The following OSBPL2 variants were observed in gnomAD, a reference collection of about 807,000 sequenced individuals.
OSBPL2 encodes the protein oxysterol-binding protein-related protein 2.
In OSBPL2, 18 loss-of-function variants were observed where a neutral mutation model predicts 58.4. The observed-to-expected ratio is 0.31, with a 90% confidence interval of 0.21 to 0.46. The LOEUF is 0.46. Ranked by LOEUF, OSBPL2 falls within the 20% of genes least tolerant of loss-of-function variation. The pLI is 1.00. For synonymous variants in OSBPL2, 221 were observed against 234.1 expected, an observed-to-expected ratio of 0.94 and a Z score of 0.51; for missense variants, 461 against 616.5, an observed-to-expected ratio of 0.75 and a Z score of 2.67.
intron 1 of OSBPL2, among the ~76,000 whole-genome samples, chr20:62,253,129 G>T (rs1057162620): frequency 6.6e-6 from 1 of 152,264 alleles, no homozygotes; most frequent in Non-Finnish European, 1.5e-5. Flanking sequence ...CGTCTCTCGG[G>T]GTTCAGTGCC....
In OSBPL2 at chr20:62,289,231, G is replaced by A. The variant is rs186761985; in HGVS notation, c.1150G>A (p.Val384Met). 1.1e-5 allele frequency: 17 copies of A among 1,613,826 alleles called. No individual in the cohort carries two copies. The highest frequency in any genetic ancestry group is 1.7e-4 in the Middle Eastern group (1 of 6,058). The change falls in exon 12 of 14, where the codon GTG becomes ATG. Residue 384 changes from valine (V) to methionine (M), a missense_variant. Coordinates refer to ENST00000313733, the MANE Select transcript of OSBPL2 (RefSeq NM_144498.4). Reference sequence around the variant, plus strand: ...GATGTATAATTTCACCAGTTTCACTGTGAGCCTCAACGAGCTGGAGACAGG... The same window carrying A: ...GATGTATAATTTCACCAGTTTCACTATGAGCCTCAACGAGCTGGAGACAGG... ...AQMYNFTSFTVSLNELETGME... is the reference protein window; with the variant it reads ...AQMYNFTSFTMSLNELETGME...
At position 62,293,898 on chromosome 20, in the gene OSBPL2, G is replaced by A. The variant is rs751949458; in HGVS notation, c.*11G>A. 2.2e-5 allele frequency: 36 copies of A among 1,611,926 alleles called. No homozygotes were observed. The highest frequency in any genetic ancestry group is 2.5e-5 in the Non-Finnish European group (29 of 1,179,364). On this transcript the variant is annotated 3_prime_UTR_variant, in exon 14 of 14. Transcript: ENST00000313733. The stretch of plus-strand genomic sequence containing the variant: ...CCAGATATCTACTGAGGGCCTGGAG[G>A]GGCCTGGGGCCCGGGACCGGAGGCT...
Position 62,289,227 on chromosome 20 carries a change from C to G in OSBPL2, c.1146C>G (p.Phe382Leu). The G allele has an allele frequency of 6.2e-7, 1 of 1,613,804 alleles. No individual in the cohort carries two copies. Among genetic ancestry groups the G allele is most frequent in the Non-Finnish European group, 8.5e-7 (1 of 1,179,844 alleles). ...CACAGATGTATAATTTCACCAGTTT[C>G]ACTGTGAGCCTCAACGAGCTGGAGA... ...NSAQMYNFTS[F>L]TVSLNELETG... Residue 382 changes from phenylalanine to leucine, a missense_variant, in exon 12 of 14, where the codon TTC (phenylalanine) becomes TTG (leucine). Phe to Leu is a conservative substitution (Grantham distance 22). Transcript: ENST00000313733.
At position 62,281,131 on chromosome 20, in the gene OSBPL2, G is replaced by C; in HGVS notation, c.748G>C (p.Glu250Gln). The change falls in exon 8 of 14, where the codon GAG (glutamate) becomes CAG (glutamine). Residue 250 changes from glutamate to glutamine, a missense_variant. Physicochemically the swap from Glu to Gln is conservative, Grantham distance 29. Around this residue, in one of 5 missense-constraint regions of OSBPL2, gnomAD observed 319 missense variants for 419.2 expected, o/e 0.76. Coordinates refer to ENST00000313733, the MANE Select transcript of OSBPL2 (RefSeq NM_144498.4). ...CGTCATCATCGGGAAGCTGTGGATA[G>C]AGCAGTATGGGACAGTGGAGATTTT... Reference protein sequence around the residue: ...HNVIIGKLWIEQYGTVEILNH... With the variant: ...HNVIIGKLWIQQYGTVEILNH... 1 of 1,614,200 alleles carries C rather than the reference G, an allele frequency of 6.2e-7. No individual in the cohort carries two copies. The highest frequency in any genetic ancestry group is 8.5e-7 in the Non-Finnish European group (1 of 1,179,994).
chr20:62,248,155 C>CTTTT (rs11470491), intron 1 of OSBPL2, among the ~76,000 whole-genome samples: 104 of 118,820 alleles, frequency 8.8e-4, no homozygotes, highest in Middle Eastern at 4.5e-3. Flanking sequence ...CTTTTCTTTT[C>CTTTT]TTTTTTTTTT....
At chr20:62,281,524 C>T (rs948135324) in intron 8 of OSBPL2, 1 of 504,042 alleles carries the variant, frequency 2.0e-6, no homozygotes, top group African/African-American at 1.9e-5. Flanking sequence ...TGCCTTTTCA[C>T]CACTTTAGTG....
intron 2 of OSBPL2, among the ~76,000 whole-genome samples, chr20:62,256,783 C>A (rs942452728): frequency 6.6e-6 from 1 of 152,204 alleles, no homozygotes; most frequent in Non-Finnish European, 1.5e-5. Flanking sequence ...TGTGACGGGG[C>A]GGCTAGAGGA....
At position 62,269,556 on chromosome 20, in the gene OSBPL2, A is replaced by G. The variant is rs1445409540; in HGVS notation, c.259-2569A>G. On this transcript the variant is annotated intron_variant, in intron 4 of 13. Transcript: ENST00000313733. This position sits in a 1 kb window ranked among gnomAD's most constrained non-coding sequence, Gnocchi z 4.2. ...TCCTGAGCAAGGCAGCGTCTCCCCC[A>G]TGCTCAGGGCTGCCACCGGCCGCAC... Among the ~76,000 whole-genome samples, 1 of 152,070 alleles carries G rather than the reference A, an allele frequency of 6.6e-6. No individual in the cohort carries two copies. Among genetic ancestry groups the G allele is most frequent in the African/African-American group, 2.4e-5 (1 of 41,394 alleles).
In OSBPL2 at chr20:62,256,145, AGAGCACATGTCAGGGGCAGTG is replaced by A; in HGVS notation, c.-36_-16del. 1.2e-6 allele frequency: 2 copies of A among 1,609,476 alleles called. No homozygotes were observed. Among genetic ancestry groups the A allele is most frequent in the Non-Finnish European group, 1.7e-6 (2 of 1,176,294 alleles). On this transcript the variant is annotated 5_prime_UTR_variant, in exon 2 of 14. The change abolishes an upstream ATG in the 5' untranslated region. Transcript: ENST00000313733. ...GGATCAGATACGATGATTCAGTAGA[AGAGCACATGTCAGGGGCAGTG>A]GAGGCTGGCTGCTGAAGGATGAACG...
intron 13 of OSBPL2, among the ~76,000 whole-genome samples, chr20:62,293,309 C>G (rs1009468987): frequency 2.0e-5 from 3 of 152,196 alleles, no homozygotes; most frequent in African/African-American, 7.2e-5. Context: ...TGAGTGCCAG[C>G]CGGGGGCTGT....
rs1281220138 is a variant in OSBPL2 at position 62,284,091 on chromosome 20, G to A, written c.918G>A (p.Leu306=). 1 of 1,614,082 alleles carries A rather than the reference G, an allele frequency of 6.2e-7. No individual in the cohort carries two copies. The highest frequency in any genetic ancestry group is 1.3e-5 in the African/African-American group (1 of 75,064). Residue 306 remains leucine (L), a synonymous_variant, in exon 10 of 14, where the codon TTG becomes TTA. Transcript: ENST00000313733. The part of the protein sequence containing the change: ...FMIYGKWTEC[L]WGIDPVSYES... ...TCTATGGCAAATGGACGGAATGTTT[G>A]TGGGGCATAGATCCTGTTTCGTATG... is the stretch of plus-strand genomic sequence containing the variant.
At chr20:62,261,609 C>T (rs1470799930) in intron 3 of OSBPL2, among the ~76,000 whole-genome samples, 1 of 152,144 alleles carries the variant, frequency 6.6e-6, no homozygotes, top group Non-Finnish European at 1.5e-5. Flanking sequence ...TCCCCGTTTT[C>T]TAGCCCTGAC....
rs140586303 is a variant in OSBPL2, at chr20:62,271,463, T to C, written c.259-662T>C. On this transcript the variant is annotated intron_variant, in intron 4 of 13. Transcript: ENST00000313733. ...GCCTGGGACCACTACTCTGTTTTTT[T>C]GTTTTTGAGACGGAGTCTGGCTCTG... Among the ~76,000 whole-genome samples, 1,332 of 151,920 alleles carry C rather than the reference T, an allele frequency of 8.8e-3. 28 individuals carry two copies. Among genetic ancestry groups the C allele is most frequent in the African/African-American group, 0.029 (1,200 of 41,426 alleles).
Position 62,256,113 on chromosome 20 carries a change from T to G in OSBPL2, c.-72T>G. On this transcript the variant is annotated 5_prime_UTR_variant, in exon 2 of 14. Coordinates refer to ENST00000313733, the MANE Select transcript of OSBPL2 (RefSeq NM_144498.4). ...AAAGTTTGTAAAATTCCTTACACTGTAGATGTGGATCAGATACGATGATTC... is the reference window on the plus strand; with the variant it reads ...AAAGTTTGTAAAATTCCTTACACTGGAGATGTGGATCAGATACGATGATTC... 1 of 1,532,768 alleles carries G rather than the reference T, an allele frequency of 6.5e-7. No individual in the cohort carries two copies. Among genetic ancestry groups the G allele is most frequent in the Non-Finnish European group, 9.0e-7 (1 of 1,109,360 alleles). The allele number at this position is 1,532,768 out of a possible 1,614,324, so 94.9% of individuals were successfully genotyped here. A position where few individuals can be genotyped will look rare whatever the true frequency, so the allele number is the denominator to read the frequency against.
intron 1 of OSBPL2, among the ~76,000 whole-genome samples, chr20:62,247,038 G>T (rs1980167328): frequency 6.6e-6 from 1 of 152,206 alleles, no homozygotes; most frequent in Admixed American, 6.5e-5. Flanking sequence ...TCTGGGGAAG[G>T]AGAAGTCCTG....
At chr20:62,292,829 A>G (rs1211712061) in intron 13 of OSBPL2, among the ~76,000 whole-genome samples, 3 of 151,810 alleles carry the variant, frequency 2.0e-5, no homozygotes, top group Non-Finnish European at 4.4e-5. Flanking sequence ...TGATATTTGG[A>G]ATTTGCCCTT....
chr20:62,284,388 T>C lies in OSBPL2; in HGVS notation c.996+219T>C, dbSNP rs557498728. 1.4e-3 allele frequency: 720 copies of C among 502,164 alleles called. 4 individuals are homozygous for C. Among genetic ancestry groups the C allele is most frequent in the African/African-American group, 7.5e-3 (359 of 47,696 alleles). The allele number at this position is 502,164 out of a possible 1,614,324, so 31.1% of individuals were successfully genotyped here. A position where few individuals can be genotyped will look rare whatever the true frequency, so the allele number is the denominator to read the frequency against. The stretch of plus-strand genomic sequence containing the variant: ...TATTTCTTTCCATTTTTTTTTTTTT[T>C]CCCCTCCAGGCAGGGTCTCCCTCTG... On this transcript the variant is annotated intron_variant, in intron 10 of 13. Coordinates refer to ENST00000313733, the MANE Select transcript of OSBPL2 (RefSeq NM_144498.4).
intron 4 of OSBPL2, among the ~76,000 whole-genome samples, chr20:62,268,922 C>T (rs779335330): frequency 1.2e-4 from 18 of 152,006 alleles, no homozygotes; most frequent in Non-Finnish European, 2.4e-4. Flanking sequence ...CCGGGTGTGG[C>T]AGTGCATGCC....
At chr20:62,287,270 A>G (rs979279066) in intron 11 of OSBPL2, among the ~76,000 whole-genome samples, 1 of 152,230 alleles carries the variant, frequency 6.6e-6, no homozygotes, top group Admixed American at 6.5e-5. Context: ...CACACGTAAT[A>G]TCTTAGTATT....
Sources: gnomAD v4.1 joint callset for allele counts (sites outside exome capture counted in the v4.1 genomes callset) on GRCh38, gnomAD v4.1.1 for gene constraint, gnomAD v4.1.1 regional missense constraint, Gnocchi (gnomAD v3.1) non-coding constraint, MANE v1.5 for transcripts, NCBI Gene and HGNC (gene_info 2026-07-23, HGNC 2026-07-21) for gene names.